The following RETREG2 variants were observed in gnomAD, a reference collection of about 807,000 sequenced individuals.
RETREG2 encodes the protein reticulophagy regulator 2.
RETREG2 carries 21 observed loss-of-function variants against 51.6 expected under a neutral mutation model. The observed-to-expected ratio is 0.41, with a 90% CI of 0.29 to 0.59. The LOEUF (loss-of-function observed/expected upper bound fraction) is 0.59, where lower values mean the gene tolerates loss of function less well. Among genes scored for constraint, RETREG2 ranks in the 20% least tolerant of loss-of-function variants. The probability of loss-of-function intolerance (pLI) is 0.34; values close to 1 mark genes in which losing one functional copy is unlikely to be tolerated. For missense variants in RETREG2, 674 were observed against 646.0 expected, an observed-to-expected ratio of 1.04 and a Z score of -0.47; for synonymous variants, 339 against 288.6, an observed-to-expected ratio of 1.17 and a Z score of -1.77.
At position 219,183,999 on chromosome 2, in the gene RETREG2, A is replaced by G. The variant is rs12694453; in HGVS notation, c.*1370A>G. The G allele has an allele frequency of 0.5, 76,293 of 152,062 alleles. 20,915 individuals are homozygous for G. The highest frequency in any genetic ancestry group is 0.62 in the Non-Finnish European group (42,381 of 67,968). The allele number at this position is 152,062 out of a possible 1,614,324, so 9.4% of individuals were successfully genotyped here. ...TATGTGCTTGGCTCTGCTCTGAGTG[A>G]TTTATATGTATTAAGATTTTTCCTC... On this transcript the variant is annotated 3_prime_UTR_variant, in exon 9 of 9. Transcript: ENST00000430297.
Position 219,182,404 on chromosome 2 carries a change from T to C in RETREG2, c.1407T>C (p.Pro469=). Residue 469 remains proline, a synonymous_variant, in exon 9 of 9, where the codon CCT becomes CCC. Coordinates refer to ENST00000430297, the MANE Select transcript of RETREG2 (RefSeq NM_024293.6). ...CCCCCTCCCCTTCCATTCTCCCACC[T>C]GTTCCCCAGGACTCACCCCAGCCCC... The part of the protein sequence containing the change: ...DPAPSPSILP[P]VPQDSPQPLP... The C allele has an allele frequency of 6.4e-7, 1 of 1,551,180 alleles. No homozygotes were observed. The highest frequency in any genetic ancestry group is 8.9e-7 in the Non-Finnish European group (1 of 1,125,244).
Position 219,184,787 on chromosome 2 carries a change from C to G in RETREG2, c.*2158C>G. On this transcript the variant is annotated 3_prime_UTR_variant, in exon 9 of 9. Coordinates refer to ENST00000430297, the MANE Select transcript of RETREG2 (RefSeq NM_024293.6). Reference sequence around the variant, plus strand: ...GCCTGGAGTTTCATGAGGGTCTATTCTTTTGTTGTTGTTGTTTTGGTTTTT... The same window carrying G: ...GCCTGGAGTTTCATGAGGGTCTATTGTTTTGTTGTTGTTGTTTTGGTTTTT... 1 of 132,794 alleles carries G rather than the reference C, an allele frequency of 7.5e-6. No homozygotes were observed. Among genetic ancestry groups the G allele is most frequent in the Non-Finnish European group, 1.7e-5 (1 of 60,164 alleles). 8.2% of individuals were successfully genotyped at this position (132,794 alleles called of 1,614,324 possible).
At chr2:219,181,325 A>G (rs1045636841) in intron 6 of RETREG2, 44 bp from the exon 7 acceptor site, 1 of 1,608,706 alleles carries the variant, frequency 6.2e-7, no homozygotes, top group Non-Finnish European at 8.5e-7. Context: ...CTCCCCTCCC[A>G]TCATTCATGC....
Position 219,183,821 on chromosome 2 carries a change from T to G in RETREG2, c.*1192T>G, listed in dbSNP as rs1950315430. 6.6e-6 allele frequency: 1 copy of G among 152,238 alleles called. No homozygotes were observed. The highest frequency in any genetic ancestry group is 2.4e-5 in the African/African-American group (1 of 41,456). The allele number at this position is 152,238 out of a possible 1,614,324, so 9.4% of individuals were successfully genotyped here. A position where few individuals can be genotyped will look rare whatever the true frequency, so the allele number is the denominator to read the frequency against. On this transcript the variant is annotated 3_prime_UTR_variant, in exon 9 of 9. Coordinates refer to ENST00000430297, the MANE Select transcript of RETREG2 (RefSeq NM_024293.6). ...CTTAACACTGCTTTCTTAAGAAGTC[T>G]TCACCCATCTACATGCTAACAACTC...
In RETREG2 at chr2:219,180,753, C is replaced by T; in HGVS notation, c.639C>T (p.Val213=). The part of the protein sequence containing the change: ...YVPGIMISYI[V]LLSILLWPLV... ...CAGGGATTATGATTTCCTACATTGT[C>T]TGTGAGTAGGGTCTGTCCCTGCCCT... Residue 213 remains valine (V), a splice_region_variant and synonymous_variant, in exon 5 of 9, where the codon GTC becomes GTT. Transcript: ENST00000430297. 1 of 1,614,024 alleles carries T rather than the reference C, an allele frequency of 6.2e-7. No homozygotes were observed. Among genetic ancestry groups the T allele is most frequent in the Non-Finnish European group, 8.5e-7 (1 of 1,179,888 alleles).
intron 1 of RETREG2, 39 bp downstream of exon 1, chr2:219,178,672 G>T (rs576521073): frequency 2.1e-6 from 3 of 1,420,282 alleles, no homozygotes; most frequent in South Asian, 1.5e-5. Context: ...CGGGATGAGC[G>T]GGGGAGGGAG....
chr2:219,180,243 C>T lies in RETREG2; in HGVS notation c.553C>T (p.Gln185Ter). ...LLQYKRQNPA[Q>*]FCVRVCSGCA... ...GCAGTACAAGAGGCAGAATCCAGCT[C>T]AGGTAACCTCCCCTACATCATACAA... Residue 185 changes from glutamine (Q) to a stop codon, truncating the protein, a stop_gained and splice_region_variant, in exon 4 of 9, where the codon CAG (glutamine) becomes TAG (stop). Coordinates refer to ENST00000430297, the MANE Select transcript of RETREG2 (RefSeq NM_024293.6). LOFTEE classifies it high-confidence loss of function. 2 of 1,614,170 alleles carry T rather than the reference C, an allele frequency of 1.2e-6. No homozygotes were observed. The highest frequency in any genetic ancestry group is 1.7e-6 in the Non-Finnish European group (2 of 1,180,034).
In RETREG2 at chr2:219,183,989, G is replaced by C. The variant is rs1194754873; in HGVS notation, c.*1360G>C. On this transcript the variant is annotated 3_prime_UTR_variant, in exon 9 of 9. Transcript: ENST00000430297. Reference sequence around the variant, plus strand: ...GAGTCCATTGTATGTGCTTGGCTCTGCTCTGAGTGATTTATATGTATTAAG... The same window carrying C: ...GAGTCCATTGTATGTGCTTGGCTCTCCTCTGAGTGATTTATATGTATTAAG... 1 of 152,190 alleles carries C rather than the reference G, an allele frequency of 6.6e-6. No individual in the cohort carries two copies. Among genetic ancestry groups the C allele is most frequent in the South Asian group, 2.1e-4 (1 of 4,822 alleles). 9.4% of individuals were successfully genotyped at this position (152,190 alleles called of 1,614,324 possible).
Position 219,180,698 on chromosome 2 carries a change from C to T in RETREG2, c.584C>T (p.Ala195Val), listed in dbSNP as rs759323078. 6.2e-7 allele frequency: 1 copy of T among 1,613,594 alleles called. No homozygotes were observed. Among genetic ancestry groups the T allele is most frequent in the South Asian group, 1.1e-5 (1 of 91,068 alleles). Residue 195 changes from alanine (A) to valine (V), a missense_variant, in exon 5 of 9, where the codon GCT becomes GTT. Transcript: ENST00000430297. ...TGCGTTCGAGTCTGCTCTGGCTGTG[C>T]TGTGTTGGCTGTGTTGGGACACTAT... ...QFCVRVCSGC[A>V]VLAVLGHYVP...
chr2:219,178,714 A>T (rs1040490347), intron 1 of RETREG2, 81 bp downstream of exon 1: 9 of 1,381,232 alleles, frequency 6.5e-6, no homozygotes, highest in Non-Finnish European at 8.5e-6. Flanking sequence ...TTTCTGGGTT[A>T]TCACTTGGCC....
Position 219,178,275 on chromosome 2 carries a change from C to T in RETREG2, c.-78C>T, listed in dbSNP as rs1018356581. ...CCTCTGCTGTCCTCCGCGGCGCCCC[C>T]TTCCGCCTGACGCGCCCCCGGCGGC... On this transcript the variant is annotated 5_prime_UTR_variant, in exon 1 of 9. Coordinates refer to ENST00000430297, the MANE Select transcript of RETREG2 (RefSeq NM_024293.6). The T allele has an allele frequency of 3.9e-5, 14 of 358,040 alleles. No individual in the cohort carries two copies. Among genetic ancestry groups the T allele is most frequent in the East Asian group, 8.4e-5 (2 of 23,890 alleles). 22.2% of individuals were successfully genotyped at this position (358,040 alleles called of 1,614,324 possible).
chr2:219,181,241 C>T (rs375318726), intron 6 of RETREG2, 36 bp downstream of exon 6: 30 of 1,612,460 alleles, frequency 1.9e-5, no homozygotes, highest in African/African-American at 4.0e-5. Flanking sequence ...GGTGAAAGAG[C>T]GGGAGGGCCT....
rs1950282187 is a variant in RETREG2 at position 219,181,745 on chromosome 2, A to G, written c.985A>G (p.Thr329Ala). ...ESGGFSVSRATTPQLTDVSED... is the reference protein window; with the variant it reads ...ESGGFSVSRAATPQLTDVSED... ...TGGTGGCTTCTCCGTATCCCGGGCC[A>G]CAACTCCGCAGCTGACTGATGTCTC... The change falls in exon 8 of 9, where the codon ACA (threonine) becomes GCA (alanine). Residue 329 changes from threonine to alanine, a missense_variant. Physicochemically the swap from Thr to Ala is moderately conservative, Grantham distance 58 (BLOSUM62 0). Transcript: ENST00000430297. The G allele has an allele frequency of 1.2e-6, 2 of 1,613,776 alleles. No homozygotes were observed. The highest frequency in any genetic ancestry group is 1.7e-6 in the Non-Finnish European group (2 of 1,179,986).
rs1351840652 is a variant in RETREG2 at position 219,181,739 on chromosome 2, C to T, written c.979C>T (p.Arg327Trp). The change falls in exon 8 of 9, where the codon CGG becomes TGG. Residue 327 changes from arginine (R) to tryptophan (W), a missense_variant. Physicochemically the swap from Arg to Trp is moderately radical, Grantham distance 101 (BLOSUM62 -3). Coordinates refer to ENST00000430297, the MANE Select transcript of RETREG2 (RefSeq NM_024293.6). ...GGAGAGTGGTGGCTTCTCCGTATCC[C>T]GGGCCACAACTCCGCAGCTGACTGA... is the stretch of plus-strand genomic sequence containing the variant. ...ILESGGFSVS[R>W]ATTPQLTDVS... is the part of the protein sequence containing the mutation. 2.0e-5 allele frequency: 32 copies of T among 1,613,850 alleles called. No homozygotes were observed. Among genetic ancestry groups the T allele is most frequent in the Non-Finnish European group, 2.7e-5 (32 of 1,180,012 alleles).
At position 219,181,345 on chromosome 2, in the gene RETREG2, G is replaced by A. The variant is rs376376482; in HGVS notation, c.785-24G>A. ...CTCCCATCATTCATGCTTGGTCATT[G>A]CTCTACTACTCTTGCTTTTCTAGAG... On this transcript the variant is annotated intron_variant, in intron 6 of 8. Coordinates refer to ENST00000430297, the MANE Select transcript of RETREG2 (RefSeq NM_024293.6). 1.1e-4 allele frequency: 181 copies of A among 1,612,172 alleles called. No individual in the cohort carries two copies. In the Middle Eastern group the frequency reaches 3.1e-3, roughly 28 times the overall value.
At chr2:219,179,966 C>T in intron 3 of RETREG2, 144 bp from the exon 4 acceptor site, 2 of 1,256,732 alleles carry the variant, frequency 1.6e-6, no homozygotes, top group Non-Finnish European at 1.1e-6. Flanking sequence ...CCTGGCTTTG[C>T]TTCTAAGACC....
rs1207344955 is a variant in RETREG2 at position 219,182,436 on chromosome 2, C to T, written c.1439C>T (p.Ala480Val). ...CAGGACTCACCCCAGCCCCTGCCTG[C>T]CCCTGAGGAAGAAGAGGCACTCACC... is the stretch of plus-strand genomic sequence containing the variant. ...VPQDSPQPLP[A>V]PEEEEALTTE... Residue 480 changes from alanine (A) to valine (V), a missense_variant, in exon 9 of 9, where the codon GCC becomes GTC. By Grantham distance (64) the Ala-to-Val change is moderately conservative (BLOSUM62 0). Transcript: ENST00000430297. 4.3e-6 allele frequency: 7 copies of T among 1,614,142 alleles called. No individual in the cohort carries two copies. In the Admixed American group the frequency reaches 5.0e-5, roughly 12 times the overall value.
chr2:219,182,456 C>T lies in RETREG2; in HGVS notation c.1459C>T (p.Leu487Phe). The T allele has an allele frequency of 6.2e-7, 1 of 1,613,908 alleles. No homozygotes were observed. The highest frequency in any genetic ancestry group is 8.5e-7 in the Non-Finnish European group (1 of 1,179,962). Residue 487 changes from leucine to phenylalanine, a missense_variant, in exon 9 of 9, where the codon CTC becomes TTC. Physicochemically the swap from Leu to Phe is conservative, Grantham distance 22. Transcript: ENST00000430297. Reference protein sequence around the residue: ...PLPAPEEEEALTTEDFELLDQ... With the variant: ...PLPAPEEEEAFTTEDFELLDQ... Reference sequence around the variant, plus strand: ...GCCTGCCCCTGAGGAAGAAGAGGCACTCACCACTGAGGACTTTGAGTTGCT... The same window carrying T: ...GCCTGCCCCTGAGGAAGAAGAGGCATTCACCACTGAGGACTTTGAGTTGCT...
rs1950300550 is a variant in RETREG2, at chr2:219,182,688, T to C, written c.*59T>C. The C allele has an allele frequency of 6.3e-7, 1 of 1,577,876 alleles. No individual in the cohort carries two copies. Among genetic ancestry groups the C allele is most frequent in the Admixed American group, 1.7e-5 (1 of 57,496 alleles). ...AGGGCTTCCTGGCTAGGAGTGTTGCTGTTTCCTCCTTTGCCTACCACTCTG... is the reference window on the plus strand; with the variant it reads ...AGGGCTTCCTGGCTAGGAGTGTTGCCGTTTCCTCCTTTGCCTACCACTCTG... On this transcript the variant is annotated 3_prime_UTR_variant, in exon 9 of 9. Transcript: ENST00000430297.
Sources: gnomAD v4.1 joint callset for allele counts on GRCh38, gnomAD v4.1.1 for gene constraint, MANE v1.5 for transcripts, NCBI Gene and HGNC (gene_info 2026-07-23, HGNC 2026-07-21) for gene names.